The following STON2 variants were observed in gnomAD, a reference collection of about 807,000 sequenced individuals.
STON2 encodes stonin-2.
Under a neutral mutation model 65.7 loss-of-function variants are expected in STON2, and 29 were observed. The observed-to-expected ratio is 0.44, with a 90% CI of 0.33 to 0.60. The LOEUF (loss-of-function observed/expected upper bound fraction) is 0.60. Among genes scored for constraint, STON2 ranks in the 20% least tolerant of loss-of-function variants. The pLI, the probability that STON2 is intolerant of heterozygous loss-of-function variation, is 0.03. For synonymous variants in STON2, 404 were observed against 414.2 expected (o/e 0.98, Z 0.30); for missense variants, 1,054 against 1,118.1 (o/e 0.94, Z 0.82).
chr14:81,281,719 C>T (rs1595288328), intron 5 of STON2, among the ~76,000 whole-genome samples: 2 of 152,284 alleles, frequency 1.3e-5, no homozygotes, highest in East Asian at 1.9e-4. Context: ...CATTTTCTTA[C>T]AATAAATTCC....
chr14:81,282,919 G>A (rs1895183474), intron 5 of STON2, among the ~76,000 whole-genome samples: 1 of 152,138 alleles, frequency 6.6e-6, no homozygotes, highest in Admixed American at 6.5e-5. Flanking sequence ...CAAAAACCAA[G>A]TATCTTGATC....
intron 3 of STON2, among the ~76,000 whole-genome samples, chr14:81,384,300 T>A (rs1189373434): frequency 6.6e-6 from 1 of 152,058 alleles, no homozygotes; most frequent in Non-Finnish European, 1.5e-5. Flanking sequence ...TAGGCTGGAG[T>A]GTAGTGGCAC....
rs749252326 is a variant in STON2 at position 81,371,195 on chromosome 14, G to C, written c.374-10C>G. 1.2e-6 allele frequency: 2 copies of C among 1,612,126 alleles called. No homozygotes were observed. The highest frequency in any genetic ancestry group is 8.5e-7 in the Non-Finnish European group (1 of 1,179,240). The stretch of plus-strand genomic sequence containing the variant: ...ATGGTCAATGGTAGGGCTGGGGAGA[G>C]ACCAAAAACCAAAAGCATACAATAT... On this transcript the variant is annotated splice_polypyrimidine_tract_variant and intron_variant, in intron 3 of 7. Coordinates refer to ENST00000614646, the MANE Select transcript of STON2 (RefSeq NM_001394390.1).
chr14:81,426,674 C>G (rs1366484959), intron 2 of STON2, among the ~76,000 whole-genome samples: 1 of 152,196 alleles, frequency 6.6e-6, no homozygotes, highest in African/African-American at 2.4e-5. Flanking sequence ...CCCCCTCGCC[C>G]GAAACATCGA....
chr14:81,405,312 C>T (rs1019426760), upstream of STON2, among the ~76,000 whole-genome samples: 27 of 151,974 alleles, frequency 1.8e-4, no homozygotes, highest in African/African-American at 6.5e-4. Flanking sequence ...TGTTATTTTA[C>T]AGTTTCTATT....
chr14:81,303,197 GA>G (rs1896038833), intron 5 of STON2, among the ~76,000 whole-genome samples: 1 of 152,070 alleles, frequency 6.6e-6, no homozygotes, highest in Admixed American at 6.5e-5. Flanking sequence ...GCTTTCAGAA[GA>G]AACATGTCTA....
chr14:81,268,815 C>T (rs909825241), intron 7 of STON2: 4 of 193,708 alleles, frequency 2.1e-5, no homozygotes, highest in African/African-American at 9.4e-5. Context: ...GTACTTCTCT[C>T]TGTGAATATT....
chr14:81,403,548 T>C (rs1244902948), upstream of STON2, among the ~76,000 whole-genome samples: 1 of 152,146 alleles, frequency 6.6e-6, no homozygotes, highest in Non-Finnish European at 1.5e-5. Flanking sequence ...AAGAGTGGCA[T>C]GCGAACAATG....
intron 7 of STON2, among the ~76,000 whole-genome samples, chr14:81,268,865 A>G (rs964000088): frequency 1.3e-5 from 2 of 152,160 alleles, no homozygotes; most frequent in African/African-American, 2.4e-5. Context: ...CCACTATACC[A>G]TGGGCTCCAC....
At chr14:81,310,134 T>C (rs1000038602) in intron 5 of STON2, among the ~76,000 whole-genome samples, 1 of 152,234 alleles carries the variant, frequency 6.6e-6, no homozygotes, top group Non-Finnish European at 1.5e-5. Context: ...TTCTACTTTA[T>C]ATTATGAAAG....
chr14:81,311,842 C>A (rs1385226203), intron 5 of STON2, among the ~76,000 whole-genome samples: 1 of 152,210 alleles, frequency 6.6e-6, no homozygotes, highest in Non-Finnish European at 1.5e-5. Context: ...TACATTCATA[C>A]ATATTACTTC....
At chr14:81,306,279 G>C (rs1896180033) in intron 5 of STON2, among the ~76,000 whole-genome samples, 1 of 135,218 alleles carries the variant, frequency 7.4e-6, no homozygotes, top group Admixed American at 8.3e-5. Context: ...GCCCAGGCTG[G>C]AGTGCGGTGG....
intron 4 of STON2, among the ~76,000 whole-genome samples, chr14:81,338,955 C>A (rs1449537823): frequency 6.6e-6 from 1 of 152,040 alleles, no homozygotes; most frequent in Non-Finnish European, 1.5e-5. Context: ...GGTTCCACAG[C>A]AAAGAAACGC....
At chr14:81,410,296 A>C (rs1208173038) in intron 2 of STON2, among the ~76,000 whole-genome samples, 1 of 150,124 alleles carries the variant, frequency 6.7e-6, no homozygotes, top group Non-Finnish European at 1.5e-5. Context: ...AAAAAAAAAA[A>C]AAAAAAAAAA....
At chr14:81,359,939 C>T (rs1307149278) in intron 4 of STON2, among the ~76,000 whole-genome samples, 1 of 152,084 alleles carries the variant, frequency 6.6e-6, no homozygotes, top group Non-Finnish European at 1.5e-5. Context: ...CTGAAGTCTG[C>T]CATTAGCCAG....
At chr14:81,295,699 C>A (rs181744927) in intron 5 of STON2, among the ~76,000 whole-genome samples, 6 of 152,338 alleles carry the variant, frequency 3.9e-5, no homozygotes, top group Admixed American at 3.3e-4. Context: ...AGATTTAAGG[C>A]ACATTGAATC....
intron 4 of STON2, chr14:81,333,096 G>A (rs1282792551): frequency 1.8e-5 from 16 of 884,672 alleles, no homozygotes; most frequent in Non-Finnish European, 2.9e-5. Flanking sequence ...GTCTATGTTT[G>A]GATTCATATT....
At chr14:81,425,425 A>G (rs1901917897) in intron 2 of STON2, among the ~76,000 whole-genome samples, 1 of 152,128 alleles carries the variant, frequency 6.6e-6, no homozygotes, top group Non-Finnish European at 1.5e-5. Flanking sequence ...ACACAAAATT[A>G]GCTGGGCACG....
At chr14:81,406,803 A>G (rs1900887583) in intron 2 of STON2, among the ~76,000 whole-genome samples, 1 of 152,150 alleles carries the variant, frequency 6.6e-6, no homozygotes, top group Admixed American at 6.5e-5. Flanking sequence ...GCATGGTTTC[A>G]GTGTGCACCT....
Sources: gnomAD v4.1 joint callset for allele counts (sites outside exome capture counted in the v4.1 genomes callset) on GRCh38, gnomAD v4.1.1 for gene constraint, MANE v1.5 for transcripts, NCBI Gene and HGNC (gene_info 2026-07-23, HGNC 2026-07-21) for gene names.